Variants in PFKL observed in about 807,000 individuals in gnomAD.
PFKL encodes the protein ATP-dependent 6-phosphofructokinase, liver type.
Under a neutral mutation model 92.1 loss-of-function variants are expected in PFKL, and 74 were observed. The observed-to-expected ratio is 0.80, with a 90% CI of 0.67 to 0.97. The LOEUF (loss-of-function observed/expected upper bound fraction) is 0.97. PFKL is among the 50% of genes least tolerant of loss of function. The pLI is 0.00. For missense variants in PFKL, 1,028 were observed against 1,116.6 expected, an observed-to-expected ratio of 0.92 and a Z score of 1.13; for synonymous variants, 494 against 456.4, an observed-to-expected ratio of 1.08 and a Z score of -1.05.
In PFKL at chr21:44,312,108, G is replaced by A. The variant is rs1376911613; in HGVS notation, c.241G>A (p.Gly81Ser). ...GTTTCTGGTCTCCTCTGTGCAGGGCGGCACTATCATTGGCAGCGCTCGCTG... is the reference window on the plus strand; with the variant it reads ...GTTTCTGGTCTCCTCTGTGCAGGGCAGCACTATCATTGGCAGCGCTCGCTG... ...LSVSNIIQLG[G>S]TIIGSARCKA... The change falls in exon 4 of 22, where the codon GGC becomes AGC. Residue 81 changes from glycine to serine, a missense_variant. Gly to Ser is a moderately conservative substitution (Grantham distance 56). Coordinates refer to ENST00000349048, the MANE Select transcript of PFKL (RefSeq NM_002626.6). 3.2e-6 allele frequency: 5 copies of A among 1,544,898 alleles called. No homozygotes were observed. Among genetic ancestry groups the A allele is most frequent in the Admixed American group, 2.0e-5 (1 of 50,580 alleles).
At chr21:44,304,700 C>T (rs961026927) in intron 1 of PFKL, among the ~76,000 whole-genome samples, 28 of 110,124 alleles carry the variant, frequency 2.5e-4, no homozygotes, top group Non-Finnish European at 4.2e-4. Context: ...GGGGGGGGCT[C>T]GGCTGTCTGT....
At chr21:44,309,777 C>T (rs1288450408) in intron 2 of PFKL, among the ~76,000 whole-genome samples, 1 of 152,192 alleles carries the variant, frequency 6.6e-6, no homozygotes, top group Non-Finnish European at 1.5e-5. Flanking sequence ...GCTGGCCTGG[C>T]CTGAGCCGGA....
chr21:44,314,244 G>T (rs376517934), intron 7 of PFKL: 1 of 565,076 alleles, frequency 1.8e-6, no homozygotes, highest in South Asian at 2.2e-5. Flanking sequence ...GGCGGAGAGG[G>T]TCACTCAGGC....
chr21:44,300,937 G>A (rs1441105466), intron 1 of PFKL, among the ~76,000 whole-genome samples: 1 of 152,172 alleles, frequency 6.6e-6, no homozygotes, highest in Non-Finnish European at 1.5e-5. Context: ...TGGCACCTGT[G>A]GCACAGGACG....
Position 44,324,609 on chromosome 21 carries a change from A to C in PFKL, c.1769A>C (p.Asp590Ala). 6.2e-7 allele frequency: 1 copy of C among 1,610,768 alleles called. No individual in the cohort carries two copies. The highest frequency in any genetic ancestry group is 8.5e-7 in the Non-Finnish European group (1 of 1,178,514). Residue 590 changes from aspartate to alanine, a missense_variant, in exon 17 of 22, where the codon GAC (aspartate) becomes GCC (alanine). By Grantham distance (126) the Asp-to-Ala change is moderately radical. Transcript: ENST00000349048. ...GTGACTGGCATTGCTGTGGGGGCCGACGCCGCCTACGTCTTCGAGGACCCT... is the reference window on the plus strand; with the variant it reads ...GTGACTGGCATTGCTGTGGGGGCCGCCGCCGCCTACGTCTTCGAGGACCCT... ...ATVTGIAVGA[D>A]AAYVFEDPFN...
In PFKL at chr21:44,326,263, G is replaced by A. The variant is rs1462390746; in HGVS notation, c.2194G>A (p.Glu732Lys). ...TGAGCTCAAGAAAGACACTGATTTC[G>A]AGTGAGTTCCACCAAAGCCTCGTGG... is the stretch of plus-strand genomic sequence containing the variant. Reference protein sequence around the residue: ...VTELKKDTDFEHRMPREQWWL... With the variant: ...VTELKKDTDFKHRMPREQWWL... The change falls in exon 21 of 22, where the codon GAG becomes AAG. Residue 732 changes from glutamate to lysine, a missense_variant and splice_region_variant. Glu to Lys is a moderately conservative substitution (Grantham distance 56, BLOSUM62 1). Coordinates refer to ENST00000349048, the MANE Select transcript of PFKL (RefSeq NM_002626.6). 7 of 1,605,288 alleles carry A rather than the reference G, an allele frequency of 4.4e-6. No individual in the cohort carries two copies. The highest frequency in any genetic ancestry group is 2.2e-5 in the East Asian group (1 of 44,680).
chr21:44,302,260 C>G (rs1018662078), intron 1 of PFKL, among the ~76,000 whole-genome samples: 1 of 152,260 alleles, frequency 6.6e-6, no homozygotes, highest in African/African-American at 2.4e-5. Flanking sequence ...GCAGCTGCAG[C>G]GTCTCTGTAT....
At position 44,327,010 on chromosome 21, in the gene PFKL, C is replaced by A; in HGVS notation, c.*148C>A. ...GCCCATCCCCTGCCTCTATCCCTGG[C>A]CACCTGCCAGGCCTCCCTCGGGCTG... On this transcript the variant is annotated 3_prime_UTR_variant, in exon 22 of 22. Coordinates refer to ENST00000349048, the MANE Select transcript of PFKL (RefSeq NM_002626.6). 1.4e-6 allele frequency: 1 copy of A among 718,894 alleles called. No individual in the cohort carries two copies. Among genetic ancestry groups the A allele is most frequent in the Non-Finnish European group, 2.3e-6 (1 of 437,014 alleles). The allele number at this position is 718,894 out of a possible 1,614,324, so 44.5% of individuals were successfully genotyped here. A position where few individuals can be genotyped will look rare whatever the true frequency, so the allele number is the denominator to read the frequency against.
intron 1 of PFKL, among the ~76,000 whole-genome samples, chr21:44,301,168 G>A (rs997147834): frequency 1.2e-4 from 18 of 152,232 alleles, no homozygotes; most frequent in Non-Finnish European, 2.6e-4. Context: ...AGGAAGAGGC[G>A]AGAAGGAAGC....
chr21:44,305,963 G>A, intron 1 of PFKL: 1 of 1,309,904 alleles, frequency 7.6e-7, no homozygotes. Flanking sequence ...CCTGGGGCAG[G>A]GCAGTGCTGT....
At chr21:44,313,502 T>C (rs970936953) in intron 5 of PFKL, 136 bp from the exon 6 acceptor site, 49 of 819,406 alleles carry the variant, frequency 6.0e-5, no homozygotes, top group Non-Finnish European at 8.9e-5. Context: ...ATCTTTTAGC[T>C]CAGAGCCTGG....
At chr21:44,312,620 G>A (rs1026230761) in intron 4 of PFKL, among the ~76,000 whole-genome samples, 2 of 152,254 alleles carry the variant, frequency 1.3e-5, no homozygotes, top group African/African-American at 4.8e-5. Context: ...CATGGTCACA[G>A]TCTGCAGAAA....
At chr21:44,311,405 G>A (rs1043674043) in intron 3 of PFKL, among the ~76,000 whole-genome samples, 3 of 151,910 alleles carry the variant, frequency 2.0e-5, no homozygotes, top group African/African-American at 7.3e-5. Context: ...GATGCACACA[G>A]ACATGGAGAC....
At chr21:44,303,441 A>AAAAAAAGACTTGATAG (rs1555874959) in intron 1 of PFKL, among the ~76,000 whole-genome samples, 1 of 97,094 alleles carries the variant, frequency 1.0e-5, no homozygotes, top group Non-Finnish European at 1.9e-5. Flanking sequence ...ACCAAAAAAA[A>AAAAAAAGACTTGATAG]AAAAAAAAAA....
In PFKL at chr21:44,322,203, G is replaced by T; in HGVS notation, c.1409G>T (p.Arg470Met). 6.2e-7 allele frequency: 1 copy of T among 1,600,648 alleles called. No individual in the cohort carries two copies. ...GGTGGCTCCATGCTGGGGACCAAGAGGTGAGCTGCCTGCTGCGGGTACCTG... is the reference window on the plus strand; with the variant it reads ...GGTGGCTCCATGCTGGGGACCAAGATGTGAGCTGCCTGCTGCGGGTACCTG... Reference protein sequence around the residue: ...GRGGSMLGTKRTLPKGQLESI... With the variant: ...GRGGSMLGTKMTLPKGQLESI... The change falls in exon 14 of 22, where the codon AGG (arginine) becomes ATG (methionine). Residue 470 changes from arginine to methionine, a missense_variant and splice_region_variant. Physicochemically the swap from Arg to Met is moderately conservative, Grantham distance 91. Coordinates refer to ENST00000349048, the MANE Select transcript of PFKL (RefSeq NM_002626.6).
At position 44,312,169 on chromosome 21, in the gene PFKL, C is replaced by T. The variant is rs776396229; in HGVS notation, c.302C>T (p.Ala101Val). 33 of 1,594,524 alleles carry T rather than the reference C, an allele frequency of 2.1e-5. No homozygotes were observed. Among genetic ancestry groups the T allele is most frequent in the South Asian group, 3.4e-5 (3 of 88,340 alleles). ...AFTTREGRRA[A>V]AYNLVQHGIT... ...ACCACCAGGGAGGGGCGCCGGGCAG[C>T]GGCCTACAACCTGGTCCAGCACGGC... The change falls in exon 4 of 22, where the codon GCG (alanine) becomes GTG (valine). Residue 101 changes from alanine to valine, a missense_variant. Transcript: ENST00000349048.
intron 15 of PFKL, 148 bp from the exon 16 acceptor site, chr21:44,323,617 AG>A: frequency 2.6e-6 from 2 of 755,364 alleles, no homozygotes; most frequent in East Asian, 5.4e-5. Context: ...GCCCAGCCCC[AG>A]GGGATTGAGC....
rs743483 is a variant in PFKL, at chr21:44,324,095, C to T, written c.1650+177C>T. Among the ~76,000 whole-genome samples the T allele has an allele frequency of 6.6e-3, 1,002 of 152,246 alleles. 15 individuals carry two copies. The highest frequency in any genetic ancestry group is 0.023 in the African/African-American group (971 of 41,554). On this transcript the variant is annotated intron_variant, in intron 16 of 21. Transcript: ENST00000349048. ...CTCAGCTCCCTGCCATAGCCACTTC[C>T]AGGTCCAGGGGGGCCCTGCGTTGTT...
intron 12 of PFKL, 132 bp downstream of exon 12, chr21:44,320,279 A>C: frequency 5.6e-6 from 4 of 714,100 alleles, no homozygotes; most frequent in Non-Finnish European, 9.2e-6. Context: ...GTGAGCTGGG[A>C]GGGTGGGCCT....
Sources: allele counts gnomAD v4.1 joint callset (sites outside exome capture counted in the v4.1 genomes callset), GRCh38; gene constraint gnomAD v4.1.1; transcripts MANE v1.5; gene names NCBI Gene and HGNC (gene_info 2026-07-23, HGNC 2026-07-21).